The following PLCG2 variants were observed in gnomAD, a reference collection of about 807,000 sequenced individuals.
PLCG2 encodes 1-phosphatidylinositol 4,5-bisphosphate phosphodiesterase gamma-2.
In PLCG2, 69 loss-of-function variants were observed where a neutral mutation model predicts 175.6. The observed-to-expected ratio is 0.39, with a 90% CI of 0.32 to 0.48. PLCG2 has a LOEUF of 0.48. Ranked by LOEUF, PLCG2 falls within the 20% of genes least tolerant of loss-of-function variation. PLCG2 has a pLI of 0.91. For synonymous variants in PLCG2, 827 were observed against 624.0 expected, an observed-to-expected ratio of 1.33 and a Z score of -4.85; for missense variants, 1,798 against 1,650.9, an observed-to-expected ratio of 1.09 and a Z score of -1.54.
rs1375134526 is a variant in PLCG2 at position 81,762,930 on chromosome 16, G to A, written c.-48+6964G>A. On this transcript the variant is annotated intron_variant, in intron 2 of 5. Transcript: ENST00000565054. ...TTAATTAGCGGGAATGGTAGCACATGCCTGTAGTCCCAGCTACTCAGGAGA... is the reference window on the plus strand; with the variant it reads ...TTAATTAGCGGGAATGGTAGCACATACCTGTAGTCCCAGCTACTCAGGAGA... Among the ~76,000 whole-genome samples, 4 of 152,118 alleles carry A rather than the reference G, an allele frequency of 2.6e-5. No individual in the cohort carries two copies. The East Asian group carries it at 7.7e-4, about 29-fold the overall frequency.
chr16:81,829,150 C>G (rs1160558234), intron 2 of PLCG2, among the ~76,000 whole-genome samples: 1 of 152,072 alleles, frequency 6.6e-6, no homozygotes, highest in African/African-American at 2.4e-5. Context: ...GCTCTGTCAC[C>G]CAGGCTGGAG....
chr16:81,794,507 A>G (rs1911378505), intron 2 of PLCG2, among the ~76,000 whole-genome samples: 1 of 152,172 alleles, frequency 6.6e-6, no homozygotes, highest in African/African-American at 2.4e-5. Flanking sequence ...AGTTACTGGT[A>G]TGCGGTGATG....
At chr16:81,946,541 G>T (rs1482726477) in intron 31 of PLCG2, among the ~76,000 whole-genome samples, 1 of 152,074 alleles carries the variant, frequency 6.6e-6, no homozygotes, top group African/African-American at 2.4e-5. Flanking sequence ...TTTCACTTCA[G>T]CAAGAGCCAG....
At chr16:81,906,332 C>T (rs577383816) in intron 15 of PLCG2, 1 of 152,306 alleles carries the variant, frequency 6.6e-6, no homozygotes, top group Non-Finnish European at 1.5e-5. Flanking sequence ...GCCTCTATCC[C>T]TTTACCTAAT....
chr16:81,804,356 T>A (rs1217585236), intron 2 of PLCG2, among the ~76,000 whole-genome samples: 1 of 152,242 alleles, frequency 6.6e-6, no homozygotes, highest in African/African-American at 2.4e-5. Context: ...ATTGGCTTTC[T>A]GTAGACAGTG....
At chr16:81,799,523 CAA>C (rs767442111) in intron 2 of PLCG2, among the ~76,000 whole-genome samples, 9 of 152,010 alleles carry the variant, frequency 5.9e-5, no homozygotes, top group Non-Finnish European at 1.0e-4. Flanking sequence ...CTCCTGGCCT[CAA>C]GAGATCCTCC....
chr16:81,835,558 G>T (rs972775187), intron 2 of PLCG2, among the ~76,000 whole-genome samples: 1 of 151,848 alleles, frequency 6.6e-6, no homozygotes, highest in Non-Finnish European at 1.5e-5. Context: ...TAGCCTGGGC[G>T]ACAGAGCAAG....
intron 23 of PLCG2, 51 bp downstream of exon 23, chr16:81,927,229 A>G (rs752696401): frequency 8.0e-7 from 1 of 1,255,726 alleles, no homozygotes; most frequent in Admixed American, 1.7e-5. Flanking sequence ...CTGCAGGTCC[A>G]GTTTTTCAGG....
chr16:81,847,433 G>T (rs1378690958), intron 2 of PLCG2, among the ~76,000 whole-genome samples: 1 of 151,972 alleles, frequency 6.6e-6, no homozygotes, highest in Non-Finnish European at 1.5e-5. Context: ...CTGGACGTTG[G>T]GGGTAGGGCT....
chr16:81,888,414 A>G (rs1245768367), intron 9 of PLCG2, among the ~76,000 whole-genome samples: 1 of 152,094 alleles, frequency 6.6e-6, no homozygotes, highest in African/African-American at 2.4e-5. Context: ...TTTAGTAGAG[A>G]TGGGGTTTCA....
Position 81,961,737 on chromosome 16 carries a change from A to G in PLCG2, c.*3739A>G, listed in dbSNP as rs372816667. ...ATCTATCAAATAACTTATATTAAGA[A>G]CCTCCTGGGCTAAATTTAAAAAGTA... On this transcript the variant is annotated 3_prime_UTR_variant, in exon 33 of 33. Coordinates refer to ENST00000564138, the MANE Select transcript of PLCG2 (RefSeq NM_002661.5). The G allele has an allele frequency of 4.9e-6, 1 of 206,080 alleles. No homozygotes were observed. The highest frequency in any genetic ancestry group is 9.9e-6 in the Non-Finnish European group (1 of 100,982). 12.8% of individuals were successfully genotyped at this position (206,080 alleles called of 1,614,324 possible).
intron 9 of PLCG2, 83 bp from the exon 10 acceptor site, chr16:81,889,089 A>T: frequency 3.7e-6 from 3 of 814,884 alleles, no homozygotes; most frequent in Non-Finnish European, 6.1e-6. Flanking sequence ...TCAGTCTTCG[A>T]TTGCGACTGG....
chr16:81,842,558 G>C (rs756347235), intron 2 of PLCG2, among the ~76,000 whole-genome samples: 1 of 152,130 alleles, frequency 6.6e-6, no homozygotes, highest in East Asian at 1.9e-4. Flanking sequence ...CTGTTTGCTC[G>C]CTTGAATATG....
intron 5 of PLCG2, among the ~76,000 whole-genome samples, chr16:81,860,442 T>C (rs2143497076): frequency 6.6e-6 from 1 of 152,232 alleles, no homozygotes; most frequent in South Asian, 2.1e-4. Flanking sequence ...CAGCGTTTGC[T>C]GGTCTAATAG....
intron 21 of PLCG2, among the ~76,000 whole-genome samples, chr16:81,922,402 G>C (rs1021643509): frequency 1.3e-4 from 20 of 152,192 alleles, no homozygotes; most frequent in African/African-American, 4.8e-4. Context: ...GGTTGCTTAA[G>C]GATTAAAGGA....
intron 7 of PLCG2, among the ~76,000 whole-genome samples, chr16:81,871,785 A>G (rs549492465): frequency 2.0e-5 from 3 of 152,186 alleles, no homozygotes; most frequent in African/African-American, 7.2e-5. Context: ...TCGGGGCCTG[A>G]GAATATATTA....
Position 81,923,488 on chromosome 16 carries a change from C to G in PLCG2, c.2311C>G (p.Gln771Glu). 2 of 1,607,846 alleles carry G rather than the reference C, an allele frequency of 1.2e-6. No homozygotes were observed. The highest frequency in any genetic ancestry group is 1.7e-6 in the Non-Finnish European group (2 of 1,174,570). The change falls in exon 22 of 33, where the codon CAG becomes GAG. Residue 771 changes from glutamine (Q) to glutamate (E), a missense_variant. Coordinates refer to ENST00000564138, the MANE Select transcript of PLCG2 (RefSeq NM_002661.5). ...DPSEINPSMP[Q>E]RTVKALYDYK... ...TCCTTCTTGTTTTCCCTGAAAGCCT[C>G]AGAGAACCGTGAAAGCTCTGTATGA...
chr16:81,797,555 G>T (rs760451758), intron 2 of PLCG2, among the ~76,000 whole-genome samples: 1 of 152,230 alleles, frequency 6.6e-6, no homozygotes, highest in African/African-American at 2.4e-5. Flanking sequence ...TCATAAGGGG[G>T]ACTTCCCAGC....
At chr16:81,935,966 C>A (rs1294398187) in intron 26 of PLCG2, 1 of 984,614 alleles carries the variant, frequency 1.0e-6, no homozygotes, top group African/African-American at 1.7e-5. Flanking sequence ...GAAAACTAGG[C>A]CCCTTTTTAA....
Sources: gnomAD v4.1 joint callset for allele counts (sites outside exome capture counted in the v4.1 genomes callset) on GRCh38, gnomAD v4.1.1 for gene constraint, MANE v1.5 for transcripts, NCBI Gene and HGNC (gene_info 2026-07-23, HGNC 2026-07-21) for gene names.